Variants in IL21R observed in about 807,000 individuals in gnomAD.
IL21R encodes the protein interleukin 21 receptor.
Under a neutral mutation model 41.3 loss-of-function variants are expected in IL21R, and 14 were observed. The observed-to-expected ratio is 0.34, with a 90% CI of 0.22 to 0.53. The LOEUF (loss-of-function observed/expected upper bound fraction) is 0.53, where lower values mean the gene tolerates loss of function less well. IL21R is among the 20% of genes least tolerant of loss of function. The pLI is 0.94. For synonymous variants in IL21R, 286 were observed against 287.6 expected (o/e 0.99, Z 0.05); for missense variants, 588 against 681.6 (o/e 0.86, Z 1.53).
intron 5 of IL21R, 82 bp downstream of exon 5, chr16:27,443,198 G>A (rs1218698819): frequency 1.3e-5 from 17 of 1,288,154 alleles, no homozygotes; most frequent in African/African-American, 1.2e-4. Context: ...TGGGAGAGAC[G>A]GGTGAACAAC....
chr16:27,406,329 A>T (rs2086746895), intron 1 of IL21R, among the ~76,000 whole-genome samples: 1 of 151,944 alleles, frequency 6.6e-6, no homozygotes, highest in Non-Finnish European at 1.5e-5. Flanking sequence ...GAGAGATTGC[A>T]AGGTTTGGGC....
rs76541906 is a variant in IL21R at position 27,407,073 on chromosome 16, C to T, written c.-17+4455C>T. 3.7e-3 allele frequency among the ~76,000 whole-genome samples: 558 copies of T among 152,242 alleles called. 8 individuals carry two copies. The highest frequency in any genetic ancestry group is 0.013 in the African/African-American group (536 of 41,544). On this transcript the variant is annotated intron_variant, in intron 1 of 8. Coordinates refer to ENST00000337929, the MANE Select transcript of IL21R (RefSeq NM_181078.3). ...TGGGTCTGGGGGGAGTTTCTGGGGACAGTGAGGAAGCTAATGAGGAAAGCA... is the reference window on the plus strand; with the variant it reads ...TGGGTCTGGGGGGAGTTTCTGGGGATAGTGAGGAAGCTAATGAGGAAAGCA...
chr16:27,444,856 A>C (rs2087450106), intron 6 of IL21R, 137 bp downstream of exon 6: 2 of 826,182 alleles, frequency 2.4e-6, no homozygotes, highest in South Asian at 2.1e-5. Flanking sequence ...CTTCAATTAC[A>C]TTTCTAGAGC....
intron 1 of IL21R, among the ~76,000 whole-genome samples, chr16:27,416,535 A>AC (rs1397191344): frequency 1.3e-5 from 2 of 152,082 alleles, no homozygotes; most frequent in Admixed American, 1.3e-4. Flanking sequence ...TGAAAAACTC[A>AC]CTGTTGTATA....
chr16:27,443,191 G>A (rs1018217679), intron 5 of IL21R, 75 bp downstream of exon 5: 11 of 1,337,032 alleles, frequency 8.2e-6, no homozygotes, highest in African/African-American at 2.9e-5. Flanking sequence ...ATCTGGGTGG[G>A]AGAGACGGGT....
chr16:27,434,612 T>C (rs1361799083), intron 3 of IL21R, among the ~76,000 whole-genome samples, 163 bp downstream of exon 3: 2 of 152,190 alleles, frequency 1.3e-5, no homozygotes, highest in Non-Finnish European at 2.9e-5. Flanking sequence ...AGGGTTGGTC[T>C]ATCCACCAGC....
intron 1 of IL21R, 62 bp from the exon 2 acceptor site, chr16:27,429,994 A>C: frequency 1.4e-6 from 2 of 1,404,872 alleles, no homozygotes; most frequent in South Asian, 2.4e-5. Flanking sequence ...AGACAGGATG[A>C]GGGGGAGGCC....
rs1567377548 is a variant in IL21R, at chr16:27,451,870, A to G, written c.*2587A>G. On this transcript the variant is annotated 3_prime_UTR_variant, in exon 9 of 9. Coordinates refer to ENST00000337929, the MANE Select transcript of IL21R (RefSeq NM_181078.3). ...CTTTGATATTACTCTTAATGGCTTT[A>G]ATAAAAAGCTTGAAGGAAGAATGAT... 8.7e-6 allele frequency: 2 copies of G among 230,488 alleles called. No individual in the cohort carries two copies. Among genetic ancestry groups the G allele is most frequent in the Non-Finnish European group, 1.7e-5 (2 of 116,338 alleles). 14.3% of individuals were successfully genotyped at this position (230,488 alleles called of 1,614,324 possible). A position where few individuals can be genotyped will look rare whatever the true frequency, so the allele number is the denominator to read the frequency against.
At chr16:27,439,380 A>ACACACACC (rs369002118) in intron 4 of IL21R, among the ~76,000 whole-genome samples, 1 of 146,956 alleles carries the variant, frequency 6.8e-6, no homozygotes, top group Non-Finnish European at 1.5e-5. Context: ...ACACACACAC[A>ACACACACC]CACGTACACA....
chr16:27,428,662 G>A (rs1358376526), intron 1 of IL21R, among the ~76,000 whole-genome samples: 1 of 152,206 alleles, frequency 6.6e-6, no homozygotes, highest in Non-Finnish European at 1.5e-5. Context: ...GACTGGTGGG[G>A]CATTCCTCTG....
At chr16:27,422,938 T>G (rs1419908868) in intron 1 of IL21R, among the ~76,000 whole-genome samples, 1 of 152,222 alleles carries the variant, frequency 6.6e-6, no homozygotes, top group African/African-American at 2.4e-5. Context: ...AAGAATGAAC[T>G]ATTTCTAATT....
rs947020075 is a variant in IL21R at position 27,451,110 on chromosome 16, G to A, written c.*1827G>A. 23 of 232,958 alleles carry A rather than the reference G, an allele frequency of 9.9e-5. No homozygotes were observed. The highest frequency in any genetic ancestry group is 2.5e-3 in the Middle Eastern group (2 of 806). The allele number at this position is 232,958 out of a possible 1,614,324, so 14.4% of individuals were successfully genotyped here. On this transcript the variant is annotated 3_prime_UTR_variant, in exon 9 of 9. Transcript: ENST00000337929. ...AAGAGTGGAAACACAGCTTCTGCAC[G>A]GAGCAGGCGCAGCCCTCAACACCCC...
At chr16:27,429,976 C>T (rs2087140873) in intron 1 of IL21R, 80 bp from the exon 2 acceptor site, 1 of 1,252,222 alleles carries the variant, frequency 8.0e-7, no homozygotes, top group Non-Finnish European at 1.1e-6. Context: ...GCAAGTCTGC[C>T]TGGGAAGAGA....
chr16:27,429,239 A>G (rs1248996175), intron 1 of IL21R, among the ~76,000 whole-genome samples: 1 of 151,206 alleles, frequency 6.6e-6, no homozygotes, highest in Non-Finnish European at 1.5e-5. Context: ...TAAACATAAA[A>G]AAGCCAATTT....
rs898601405 is a variant in IL21R at position 27,448,534 on chromosome 16, A to C, written c.868A>C (p.Lys290Gln). ...LYKGCSGDFK[K>Q]WVGAPFTGSS... ...GACTCTCTCTTTTTCTCTCTCACAG[A>C]AATGGGTGGGTGCACCCTTCACTGG... Residue 290 changes from lysine (K) to glutamine (Q), a missense_variant and splice_region_variant, in exon 9 of 9, where the codon AAA (lysine) becomes CAA (glutamine). Lys to Gln is a moderately conservative substitution (Grantham distance 53, BLOSUM62 1). Coordinates refer to ENST00000337929, the MANE Select transcript of IL21R (RefSeq NM_181078.3). 7 of 1,592,510 alleles carry C rather than the reference A, an allele frequency of 4.4e-6. No individual in the cohort carries two copies. The highest frequency in any genetic ancestry group is 6.0e-6 in the Non-Finnish European group (7 of 1,170,992).
chr16:27,436,349 G>A (rs1466605819), intron 3 of IL21R, among the ~76,000 whole-genome samples: 1 of 152,278 alleles, frequency 6.6e-6, no homozygotes, highest in Non-Finnish European at 1.5e-5. Flanking sequence ...AGAGGGCACT[G>A]CCAGTGCAAA....
At position 27,446,052 on chromosome 16, in the gene IL21R, C is replaced by A; in HGVS notation, c.831C>A (p.Phe277Leu). The change falls in exon 8 of 9, where the codon TTC becomes TTA. Residue 277 changes from phenylalanine to leucine, a missense_variant. Phe to Leu is a conservative substitution (Grantham distance 22, BLOSUM62 0). Coordinates refer to ENST00000337929, the MANE Select transcript of IL21R (RefSeq NM_181078.3). ...IWAVPSPERF[F>L]MPLYKGCSGD... Reference sequence around the variant, plus strand: ...CCGTCCCCAGCCCTGAGCGGTTCTTCATGCCCCTGTACAAGGGCTGCAGCG... The same window carrying A: ...CCGTCCCCAGCCCTGAGCGGTTCTTAATGCCCCTGTACAAGGGCTGCAGCG... The A allele has an allele frequency of 6.2e-7, 1 of 1,613,834 alleles. No homozygotes were observed. The highest frequency in any genetic ancestry group is 8.5e-7 in the Non-Finnish European group (1 of 1,179,866).
At chr16:27,430,731 C>T (rs529010277) in intron 2 of IL21R, among the ~76,000 whole-genome samples, 1 of 152,196 alleles carries the variant, frequency 6.6e-6, no homozygotes, top group African/African-American at 2.4e-5. Context: ...GGGAGGATTG[C>T]TTGAGCCTGG....
chr16:27,420,317 A>G (rs529769466), intron 1 of IL21R, among the ~76,000 whole-genome samples: 21 of 152,354 alleles, frequency 1.4e-4, no homozygotes, highest in African/African-American at 5.0e-4. Flanking sequence ...CACCTTCATT[A>G]TAGTCCTATG....
Sources: gnomAD v4.1 joint callset for allele counts (sites outside exome capture counted in the v4.1 genomes callset) on GRCh38, gnomAD v4.1.1 for gene constraint, MANE v1.5 for transcripts, NCBI Gene and HGNC (gene_info 2026-07-23, HGNC 2026-07-21) for gene names.